The following QTGAL variants were observed in gnomAD, a reference collection of about 807,000 sequenced individuals.
QTGAL encodes the protein BGnT-like protein 1.
chr17:83,030,616 C>T, the QTGAL span: 1 of 152,344 alleles, frequency 6.6e-6, no homozygotes, highest in Admixed American at 6.5e-5. Flanking sequence ...TTGTCTGTAA[C>T]CCTCCCCACA....
the QTGAL span, chr17:83,014,333 C>T: frequency 1.0e-3 from 1,120 of 1,097,834 alleles, 11 homozygotes; most frequent in African/African-American, 0.015. Flanking sequence ...GATCCCTCTC[C>T]GTGACTTGAC....
the QTGAL span, chr17:82,981,140 G>T: frequency 6.6e-6 from 1 of 152,200 alleles, no homozygotes; most frequent in African/African-American, 2.4e-5. Context: ...TCAGAGTCAG[G>T]GATCCTGGAT....
chr17:83,042,868 C>T, the QTGAL span, among the ~76,000 whole-genome samples: 7 of 152,132 alleles, frequency 4.6e-5, no homozygotes, highest in East Asian at 5.8e-4. Flanking sequence ...AGATATTCCA[C>T]GCAACTAGTA....
the QTGAL span, among the ~76,000 whole-genome samples, chr17:82,973,274 A>G: frequency 5.9e-5 from 9 of 152,094 alleles, no homozygotes; most frequent in African/African-American, 2.2e-4. Context: ...GCAAATAACG[A>G]CTCTGAAGAT....
At chr17:83,016,801 G>A in the QTGAL span, among the ~76,000 whole-genome samples, 1 of 151,722 alleles carries the variant, frequency 6.6e-6, no homozygotes, top group East Asian at 1.9e-4. Flanking sequence ...AGGAGGAGGA[G>A]GGCTAAAAAC....
the QTGAL span, among the ~76,000 whole-genome samples, chr17:83,033,637 A>G: frequency 6.6e-6 from 1 of 151,464 alleles, no homozygotes; most frequent in Non-Finnish European, 1.5e-5. Flanking sequence ...ACGCCCAGCT[A>G]ATTTTTTGTA....
At chr17:83,021,490 A>G in the QTGAL span, among the ~76,000 whole-genome samples, 1 of 152,220 alleles carries the variant, frequency 6.6e-6, no homozygotes, top group Non-Finnish European at 1.5e-5. Context: ...ATACCCTAAA[A>G]ACTACAAAAT....
At chr17:82,950,822 C>T in the QTGAL span, among the ~76,000 whole-genome samples, 1 of 152,248 alleles carries the variant, frequency 6.6e-6, no homozygotes, top group Non-Finnish European at 1.5e-5. Context: ...TTTCTGAGCA[C>T]TGGGCCTAAC....
At chr17:82,984,303 C>CATGTGAG in the QTGAL span, among the ~76,000 whole-genome samples, 53 of 120,852 alleles carry the variant, frequency 4.4e-4, 3 homozygotes, top group South Asian at 7.3e-3. Context: ...GGGGAGAGGC[C>CATGTGAG]ATGTGAGGAT....
At chr17:83,028,149 G>A in the QTGAL span, among the ~76,000 whole-genome samples, 12 of 151,964 alleles carry the variant, frequency 7.9e-5, no homozygotes, top group African/African-American at 1.2e-4. Flanking sequence ...CTGGTCCCAT[G>A]GCAGCCGGGG....
At chr17:83,013,566 G>A in the QTGAL span, among the ~76,000 whole-genome samples, 1 of 150,992 alleles carries the variant, frequency 6.6e-6, no homozygotes, top group Non-Finnish European at 1.5e-5. Context: ...ACTCTGTGGG[G>A]AGCTGGGCTC....
chr17:82,954,765 T>C, the QTGAL span, among the ~76,000 whole-genome samples: 1 of 152,202 alleles, frequency 6.6e-6, no homozygotes, highest in East Asian at 1.9e-4. Flanking sequence ...AACAGCATGG[T>C]ACTGGTACCA....
the QTGAL span, among the ~76,000 whole-genome samples, chr17:83,007,436 A>G: frequency 6.6e-6 from 1 of 152,158 alleles, no homozygotes; most frequent in African/African-American, 2.4e-5. Context: ...TGCTGAACAG[A>G]AAAGATTTTG....
the QTGAL span, chr17:82,981,387 TC>T: frequency 6.6e-6 from 1 of 152,128 alleles, no homozygotes; most frequent in Non-Finnish European, 1.5e-5. Flanking sequence ...GCATCATGCC[TC>T]CCCCGCCGCA....
chr17:82,966,894 C>T, the QTGAL span, among the ~76,000 whole-genome samples: 1 of 152,200 alleles, frequency 6.6e-6, no homozygotes, highest in African/African-American at 2.4e-5. Context: ...ATAATCCAGG[C>T]TGGGACAAAA....
At chr17:83,039,124 C>G in the QTGAL span, among the ~76,000 whole-genome samples, 1 of 152,190 alleles carries the variant, frequency 6.6e-6, no homozygotes. Context: ...CACCGTCCAT[C>G]CCAGGGCAGA....
the QTGAL span, chr17:83,048,989 G>GAAA: frequency 9.5e-6 from 5 of 526,616 alleles, no homozygotes; most frequent in South Asian, 4.8e-5. Flanking sequence ...TTTTGAAAGT[G>GAAA]AAAAAAAAAC....
chr17:82,980,782 T>TTGAAGATATAGTA, the QTGAL span, among the ~76,000 whole-genome samples: 1 of 152,310 alleles, frequency 6.6e-6, no homozygotes, highest in South Asian at 2.1e-4. Flanking sequence ...TGGGTTACTG[T>TTGAAGATATAGTA]ACGAGTTCAT....
At chr17:83,005,100 C>G in the QTGAL span, 1 of 1,588,600 alleles carries the variant, frequency 6.3e-7, no homozygotes, top group Non-Finnish European at 8.6e-7. The surrounding 1 kb of genome is among the most constrained non-coding windows in gnomAD (Gnocchi z 5.6). Flanking sequence ...CCAGACAAGG[C>G]GCCAGGCGAG....
Sources: allele counts gnomAD v4.1 joint callset (sites outside exome capture counted in the v4.1 genomes callset), GRCh38; gene constraint gnomAD v4.1.1; non-coding constraint Gnocchi (gnomAD v3.1); transcripts MANE v1.5; gene names NCBI Gene and HGNC (gene_info 2026-07-23, HGNC 2026-07-21).